Variants in NRG1 observed in about 807,000 individuals in gnomAD.
NRG1 encodes pro-neuregulin-1, membrane-bound isoform.
In NRG1, 18 loss-of-function variants were observed where a neutral mutation model predicts 63.8. The observed-to-expected ratio is 0.28, with a 90% confidence interval of 0.19 to 0.42. The LOEUF is 0.42. Ranked by LOEUF, NRG1 falls within the 10% of genes least tolerant of loss-of-function variation. The pLI is 1.00. For missense variants in NRG1, 762 were observed against 814.7 expected, an observed-to-expected ratio of 0.94 and a Z score of 0.79; for synonymous variants, 302 against 301.3, an observed-to-expected ratio of 1.00 and a Z score of -0.02.
intron 1 of NRG1, among the ~76,000 whole-genome samples, chr8:32,426,995 T>C (rs1330307496): frequency 6.6e-6 from 1 of 152,216 alleles, no homozygotes; most frequent in Non-Finnish European, 1.5e-5. Flanking sequence ...GTCCTTTTTT[T>C]TTTTATCATT....
chr8:31,837,383 C>A (rs896185537), intron 1 of NRG1, among the ~76,000 whole-genome samples: 38 of 151,920 alleles, frequency 2.5e-4, no homozygotes, highest in African/African-American at 8.5e-4. Context: ...TTTTTATTGA[C>A]ACCTAATAAT....
At chr8:32,615,266 A>G (rs1297254782) in intron 4 of NRG1, among the ~76,000 whole-genome samples, 2 of 152,170 alleles carry the variant, frequency 1.3e-5, no homozygotes, top group South Asian at 2.1e-4. Context: ...TTGTAATGCT[A>G]TAATTAATAG....
At chr8:32,109,351 A>G (rs568062772) in intron 1 of NRG1, among the ~76,000 whole-genome samples, 1 of 152,340 alleles carries the variant, frequency 6.6e-6, no homozygotes, top group South Asian at 2.1e-4. Context: ...GATTAATTTG[A>G]GAGTCCAGGA....
intron 1 of NRG1, among the ~76,000 whole-genome samples, chr8:31,680,106 G>T (rs1808158898): frequency 6.6e-6 from 1 of 151,852 alleles, no homozygotes; most frequent in African/African-American, 2.4e-5. Flanking sequence ...ATCTACAAAA[G>T]ATATGATTCT....
intron 1 of NRG1, among the ~76,000 whole-genome samples, chr8:32,413,405 T>C (rs1815391635): frequency 6.6e-6 from 1 of 152,204 alleles, no homozygotes; most frequent in South Asian, 2.1e-4. Context: ...GTATGCTCGA[T>C]GAGACCCTGA....
chr8:32,628,107 G>A (rs1849614729), intron 5 of NRG1, among the ~76,000 whole-genome samples: 1 of 152,056 alleles, frequency 6.6e-6, no homozygotes, highest in Non-Finnish European at 1.5e-5. Flanking sequence ...GCTATGAAAA[G>A]GAAGTTGCTG....
chr8:32,357,704 T>C (rs55921155), intron 1 of NRG1, among the ~76,000 whole-genome samples: 8,567 of 152,274 alleles, frequency 0.056, 314 homozygotes, highest in Middle Eastern at 0.099. Flanking sequence ...ATAATAATTT[T>C]CTTATGACAA....
chr8:32,416,642 T>A (rs1198847094), intron 1 of NRG1, among the ~76,000 whole-genome samples: 1 of 152,062 alleles, frequency 6.6e-6, no homozygotes, highest in Non-Finnish European at 1.5e-5. Context: ...GTTTTCCTTG[T>A]TTTTGTTTGT....
At chr8:32,244,483 T>C (rs1215069675) in intron 1 of NRG1, among the ~76,000 whole-genome samples, 2 of 152,128 alleles carry the variant, frequency 1.3e-5, no homozygotes, top group Non-Finnish European at 2.9e-5. Context: ...ATTAAAGAGA[T>C]TATTTTATCC....
At chr8:32,601,398 A>C (rs1276885891) in intron 2 of NRG1, among the ~76,000 whole-genome samples, 2 of 152,176 alleles carry the variant, frequency 1.3e-5, no homozygotes, top group African/African-American at 4.8e-5. Context: ...GTGGCTATCC[A>C]GACTTGAATC....
chr8:32,138,992 C>G (rs754066817), intron 1 of NRG1, among the ~76,000 whole-genome samples: 1 of 152,154 alleles, frequency 6.6e-6, no homozygotes, highest in Non-Finnish European at 1.5e-5. Flanking sequence ...ATCAGTCAAT[C>G]AACAGTGAGT....
At position 31,645,478 on chromosome 8, in the gene NRG1, T is replaced by G. The variant is rs565608741; in HGVS notation, c.37+6047T>G. ...GTTTCTGAAGACTTGCCCCCTGGAT[T>G]TTCGTCCCTAAATTATCCATACAGG... On this transcript the variant is annotated intron_variant, in intron 1 of 10. Coordinates refer to the NRG1 transcript ENST00000519301. Among the ~76,000 whole-genome samples, 411 of 152,308 alleles carry G rather than the reference T, an allele frequency of 2.7e-3. 1 individual carries two copies. Among genetic ancestry groups the G allele is most frequent in the South Asian group, 0.019 (91 of 4,830 alleles).
rs149846152 is a variant in NRG1, at chr8:32,206,989, C to A, written c.38-388839C>A. ...TAAAATGACTGAATCCAGAACTTCA[C>A]CATAATCCATCTATCTCCTCCGTGA... On this transcript the variant is annotated intron_variant, in intron 1 of 10. Coordinates refer to the NRG1 transcript ENST00000519301. Among the ~76,000 whole-genome samples the A allele has an allele frequency of 2.0e-5, 3 of 152,298 alleles. No homozygotes were observed. In the East Asian group the frequency reaches 5.8e-4, roughly 29 times the overall value.
chr8:31,893,610 A>G (rs909286429), intron 1 of NRG1, among the ~76,000 whole-genome samples: 1 of 151,796 alleles, frequency 6.6e-6, no homozygotes, highest in Non-Finnish European at 1.5e-5. Context: ...CAAAAGCCAT[A>G]TATGTAGATA....
At chr8:32,268,660 G>C (rs766243405) in intron 1 of NRG1, among the ~76,000 whole-genome samples, 2 of 152,068 alleles carry the variant, frequency 1.3e-5, no homozygotes, top group Non-Finnish European at 2.9e-5. Flanking sequence ...AGGGTTTTTA[G>C]AAAACAAAAA....
chr8:32,500,732 T>G (rs998385846), intron 1 of NRG1, among the ~76,000 whole-genome samples: 3 of 152,218 alleles, frequency 2.0e-5, no homozygotes, highest in Non-Finnish European at 4.4e-5. Context: ...GAAGACATAA[T>G]CTATTAAATT....
chr8:32,448,854 G>GTCCT (rs1820605599), intron 1 of NRG1, among the ~76,000 whole-genome samples: 2 of 152,088 alleles, frequency 1.3e-5, no homozygotes, highest in South Asian at 4.2e-4. Context: ...CTTCTTAAAG[G>GTCCT]TCATCATCAT....
chr8:31,658,437 G>C (rs1009831451), intron 1 of NRG1, among the ~76,000 whole-genome samples: 1 of 151,972 alleles, frequency 6.6e-6, no homozygotes, highest in Non-Finnish European at 1.5e-5. Context: ...CATGTCTGTC[G>C]AGCACTTAGG....
At chr8:32,075,758 C>T (rs1205100914) in intron 1 of NRG1, among the ~76,000 whole-genome samples, 2 of 152,000 alleles carry the variant, frequency 1.3e-5, no homozygotes, top group Non-Finnish European at 2.9e-5. Flanking sequence ...CTGCAACCTC[C>T]ACCTCCCAGG....
Sources: gnomAD v4.1 joint callset for allele counts (sites outside exome capture counted in the v4.1 genomes callset) on GRCh38, gnomAD v4.1.1 for gene constraint, MANE v1.5 for transcripts, NCBI Gene and HGNC (gene_info 2026-07-23, HGNC 2026-07-21) for gene names.